RBFOX1: variants seen among roughly 807,000 people sequenced by gnomAD.
The protein encoded by RBFOX1 is RNA binding fox-1 homolog 1.
Under a neutral mutation model 57.7 loss-of-function variants are expected in RBFOX1, and 8 were observed. The observed-to-expected ratio is 0.14, with a 90% CI of 0.08 to 0.25. The LOEUF (loss-of-function observed/expected upper bound fraction) is 0.25. Among genes scored for constraint, RBFOX1 ranks in the 10% least tolerant of loss-of-function variants. The probability of loss-of-function intolerance (pLI) is 1.00; values close to 1 mark genes in which losing one functional copy is unlikely to be tolerated. For synonymous variants in RBFOX1, 326 were observed against 222.4 expected, an observed-to-expected ratio of 1.47 and a Z score of -4.15; for missense variants, 611 against 548.5, an observed-to-expected ratio of 1.11 and a Z score of -1.14.
At chr16:5,692,023 T>G (rs200319033) in intron 3 of RBFOX1, among the ~76,000 whole-genome samples, 1 of 3,314 alleles carries the variant, frequency 3.0e-4, no homozygotes, top group Non-Finnish European at 0.01. Flanking sequence ...TCTTTTTTTA[T>G]TTTTTTTTGC....
At chr16:6,012,024 A>G (rs1217738833) in intron 4 of RBFOX1, among the ~76,000 whole-genome samples, 1 of 152,222 alleles carries the variant, frequency 6.6e-6, no homozygotes, top group Non-Finnish European at 1.5e-5. Context: ...GTCACCACTC[A>G]CTTCCACAGA....
intron 1 of RBFOX1, among the ~76,000 whole-genome samples, chr16:6,089,076 A>T (rs2343520): frequency 0.045 from 5,607 of 125,516 alleles, 114 homozygotes; most frequent in African/African-American, 0.054. Flanking sequence ...AAAAAAAAAA[A>T]AAATATATAT....
chr16:6,859,204 T>C (rs1031830178), intron 3 of RBFOX1, among the ~76,000 whole-genome samples: 1 of 129,008 alleles, frequency 7.8e-6, no homozygotes. Flanking sequence ...TATGTATATA[T>C]ATATATACAA....
chr16:7,017,752 C>T (rs764543084), intron 3 of RBFOX1, among the ~76,000 whole-genome samples: 6 of 152,238 alleles, frequency 3.9e-5, no homozygotes, highest in Non-Finnish European at 7.4e-5. Flanking sequence ...GGCCAACTTC[C>T]AAACAAACAC....
At chr16:6,644,283 G>T (rs960720610) in intron 2 of RBFOX1, among the ~76,000 whole-genome samples, 5 of 152,196 alleles carry the variant, frequency 3.3e-5, no homozygotes, top group African/African-American at 9.6e-5. Flanking sequence ...GCTTGCCTTT[G>T]CAAAGGAGAC....
intron 3 of RBFOX1, among the ~76,000 whole-genome samples, chr16:6,878,961 G>C (rs34107560): frequency 0.26 from 39,443 of 151,946 alleles, 5,294 homozygotes; most frequent in African/African-American, 0.31. Flanking sequence ...AATTAAAACT[G>C]AGATAAATAA....
intron 1 of RBFOX1, among the ~76,000 whole-genome samples, chr16:5,378,254 TGTGGGACTG>T (rs2066039539): frequency 6.6e-6 from 1 of 151,606 alleles, no homozygotes; most frequent in Non-Finnish European, 1.5e-5. Flanking sequence ...TCTCCTGGGA[TGTGGGACTG>T]GTGGGTCACC....
chr16:6,877,393 A>G (rs534293947), intron 3 of RBFOX1, among the ~76,000 whole-genome samples: 1 of 152,250 alleles, frequency 6.6e-6, no homozygotes, highest in South Asian at 2.1e-4. Context: ...TAACTGCATC[A>G]TTTTCCAATA....
chr16:5,841,737 T>A (rs1303345836), intron 3 of RBFOX1, among the ~76,000 whole-genome samples: 8 of 152,208 alleles, frequency 5.3e-5, no homozygotes, highest in Non-Finnish European at 8.8e-5. Context: ...CAGTGCTCTG[T>A]CTGACTCCCA....
chr16:7,162,567 TAAAAAA>T (rs1176692946), intron 4 of RBFOX1, among the ~76,000 whole-genome samples: 1 of 107,808 alleles, frequency 9.3e-6, no homozygotes. Flanking sequence ...CTGTCTCTAC[TAAAAAA>T]AAAAAAAAAA....
At chr16:6,261,310 G>A (rs767773504) in intron 1 of RBFOX1, among the ~76,000 whole-genome samples, 1 of 152,188 alleles carries the variant, frequency 6.6e-6, no homozygotes, top group Non-Finnish European at 1.5e-5. Context: ...GAGTCCTGGT[G>A]TTAGCCTCAT....
At chr16:5,455,006 T>C (rs1057143110) in intron 1 of RBFOX1, among the ~76,000 whole-genome samples, 10 of 114,838 alleles carry the variant, frequency 8.7e-5, no homozygotes, top group Non-Finnish European at 1.7e-4. Flanking sequence ...TTTCTTTCTT[T>C]CTTTCTTTCT....
chr16:6,095,860 A>G (rs1371894433), intron 1 of RBFOX1, among the ~76,000 whole-genome samples: 2 of 152,142 alleles, frequency 1.3e-5, no homozygotes, highest in Non-Finnish European at 2.9e-5. Context: ...GCCCACAGTT[A>G]GTGAGAGAGT....
chr16:7,029,713 G>T (rs953455684), intron 3 of RBFOX1, among the ~76,000 whole-genome samples: 1 of 152,128 alleles, frequency 6.6e-6, no homozygotes, highest in African/African-American at 2.4e-5. Flanking sequence ...ATAATTATAG[G>T]GTGGTAGCAT....
At chr16:5,867,504 C>T (rs1202916437) in intron 4 of RBFOX1, among the ~76,000 whole-genome samples, 2 of 151,886 alleles carry the variant, frequency 1.3e-5, no homozygotes, top group Admixed American at 6.6e-5. Flanking sequence ...TTTTGGGGTG[C>T]CCAGGTCACC....
rs537984173 is a variant in RBFOX1, at chr16:5,932,244, G to A, written c.351+64909G>A. ...TAGAGATCAGTGAGAAGGTTTTGAT[G>A]CACCGTAGCTGGTTTAAAGATGGAA... is the stretch of plus-strand genomic sequence containing the variant. On this transcript the variant is annotated intron_variant, in intron 4 of 19. Transcript: ENST00000641259. 5.3e-5 allele frequency among the ~76,000 whole-genome samples: 8 copies of A among 152,316 alleles called. No individual in the cohort carries two copies. The South Asian group carries it at 1.0e-3, about 20-fold the overall frequency.
intron 3 of RBFOX1, among the ~76,000 whole-genome samples, chr16:6,874,912 A>G (rs1267869200): frequency 2.6e-5 from 4 of 152,182 alleles, no homozygotes; most frequent in Non-Finnish European, 5.9e-5. Context: ...TATTGAAATA[A>G]TAATAAAAGA....
chr16:5,665,334 C>A (rs1413786558), intron 3 of RBFOX1, among the ~76,000 whole-genome samples: 1 of 152,126 alleles, frequency 6.6e-6, no homozygotes, highest in African/African-American at 2.4e-5. Context: ...GTGTCTGGCT[C>A]CTTTTCCTCC....
chr16:6,875,269 G>A (rs1388981421), intron 3 of RBFOX1, among the ~76,000 whole-genome samples: 8 of 152,008 alleles, frequency 5.3e-5, no homozygotes, highest in East Asian at 1.9e-4. Context: ...AAGACTCTTC[G>A]GTTGTCTAAA....
Sources: allele counts gnomAD v4.1 joint callset (sites outside exome capture counted in the v4.1 genomes callset), GRCh38; gene constraint gnomAD v4.1.1; transcripts MANE v1.5; gene names NCBI Gene and HGNC (gene_info 2026-07-23, HGNC 2026-07-21).